KIAA1217: variants seen among roughly 807,000 people sequenced by gnomAD.
KIAA1217 encodes the protein sickle tail protein homolog.
In KIAA1217, 88 loss-of-function variants were observed where a neutral mutation model predicts 163.9. The observed-to-expected ratio is 0.54, with a 90% CI of 0.45 to 0.64. The LOEUF (loss-of-function observed/expected upper bound fraction) is 0.64, where lower values mean the gene tolerates loss of function less well. Among genes scored for constraint, KIAA1217 ranks in the 30% least tolerant of loss-of-function variants. The pLI, the probability that KIAA1217 is intolerant of heterozygous loss-of-function variation, is 0.00. For synonymous variants in KIAA1217, 903 were observed against 923.1 expected (o/e 0.98, Z 0.39); for missense variants, 2,372 against 2,475.0 (o/e 0.96, Z 0.88).
chr10:24,142,588 C>A lies in KIAA1217; in HGVS notation c.-170-77038C>A, dbSNP rs1263537173. On this transcript the variant is annotated intron_variant, in intron 2 of 18. Transcript: ENST00000376462. ...TCCATGTAACAAAACTGTACTTACA[C>A]CCCTTGAATCTATAAAAAAATAAAT... 3.9e-5 allele frequency among the ~76,000 whole-genome samples: 6 copies of A among 152,174 alleles called. No individual in the cohort carries two copies. The East Asian group carries it at 1.2e-3, about 29-fold the overall frequency.
chr10:23,881,845 A>T (rs982390541), intron 1 of KIAA1217, among the ~76,000 whole-genome samples: 2 of 151,832 alleles, frequency 1.3e-5, no homozygotes, highest in Admixed American at 1.3e-4. Context: ...CATCCCCCAT[A>T]CACCCTTAAG....
At chr10:23,858,222 G>T (rs1839791700) in intron 1 of KIAA1217, among the ~76,000 whole-genome samples, 1 of 152,038 alleles carries the variant, frequency 6.6e-6, no homozygotes, top group Admixed American at 6.6e-5. Context: ...TGAAAAATGA[G>T]CTGGATGGGG....
intron 4 of KIAA1217, among the ~76,000 whole-genome samples, chr10:24,436,515 T>C (rs564856833): frequency 6.6e-6 from 1 of 150,490 alleles, no homozygotes. Context: ...TCCCAGCACT[T>C]TGGGAGGCCA....
At chr10:23,818,503 G>T (rs922037645) in intron 1 of KIAA1217, among the ~76,000 whole-genome samples, 2 of 151,574 alleles carry the variant, frequency 1.3e-5, no homozygotes, top group Admixed American at 1.3e-4. Context: ...TTCCCTGTTG[G>T]TAGTAGCCCC....
Position 24,542,930 on chromosome 10 carries a change from A to T in KIAA1217, c.3660A>T (p.Arg1220Ser), listed in dbSNP as rs763962853. 1 of 1,613,322 alleles carries T rather than the reference A, an allele frequency of 6.2e-7. No homozygotes were observed. The highest frequency in any genetic ancestry group is 8.5e-7 in the Non-Finnish European group (1 of 1,179,684). The change falls in exon 19 of 21, where the codon AGA (arginine) becomes AGT (serine). Residue 1220 changes from arginine (R) to serine (S), a missense_variant. By Grantham distance (110) the Arg-to-Ser change is moderately radical. This residue lies in a region of KIAA1217 where 251 missense variants were observed against 327.3 expected (regional missense o/e 0.77). Transcript: ENST00000376454. ...CTAGTGACCCTCCTAAGTGGGAAAG[A>T]GGAATGGAGAATAGTATTTCTGATG... ...VRPSDPPKWERGMENSISDAS... is the reference protein window; with the variant it reads ...VRPSDPPKWESGMENSISDAS...
chr10:23,738,072 T>A (rs1588693289), intron 1 of KIAA1217, among the ~76,000 whole-genome samples: 1 of 152,274 alleles, frequency 6.6e-6, no homozygotes, highest in Middle Eastern at 3.4e-3. Context: ...CCTCCACGCA[T>A]AATACTCTGC....
chr10:24,092,572 T>C (rs1436154791), intron 2 of KIAA1217, among the ~76,000 whole-genome samples: 2 of 151,624 alleles, frequency 1.3e-5, no homozygotes, highest in African/African-American at 4.9e-5. Context: ...TACTCAACAA[T>C]GGAAAGGACT....
At chr10:23,772,116 A>T (rs1383995097) in intron 1 of KIAA1217, among the ~76,000 whole-genome samples, 1 of 152,230 alleles carries the variant, frequency 6.6e-6, no homozygotes, top group Non-Finnish European at 1.5e-5. Flanking sequence ...AAGAAAAGTA[A>T]AATATACCAA....
At chr10:23,773,966 A>T (rs967200469) in intron 1 of KIAA1217, among the ~76,000 whole-genome samples, 1 of 152,050 alleles carries the variant, frequency 6.6e-6, no homozygotes, top group Non-Finnish European at 1.5e-5. Context: ...TCTCCTGCCT[A>T]ATTGCCCTGG....
chr10:23,877,706 C>T (rs1840760124), intron 1 of KIAA1217, among the ~76,000 whole-genome samples: 1 of 151,924 alleles, frequency 6.6e-6, no homozygotes, highest in African/African-American at 2.4e-5. Flanking sequence ...AATAAATGTT[C>T]ACTCTCAAAA....
chr10:24,147,885 A>AAAAT (rs1398369714), intron 2 of KIAA1217, among the ~76,000 whole-genome samples: 2 of 151,356 alleles, frequency 1.3e-5, no homozygotes, highest in African/African-American at 2.4e-5. Flanking sequence ...AAAGAAAAGA[A>AAAAT]AAATGAACTT....
intron 5 of KIAA1217, among the ~76,000 whole-genome samples, chr10:24,446,225 G>T (rs921803805): frequency 6.6e-6 from 1 of 152,056 alleles, no homozygotes; most frequent in Non-Finnish European, 1.5e-5. Flanking sequence ...TGTTGATGGG[G>T]TTGTTTGTTT....
chr10:24,343,932 A>C (rs2047404264), intron 2 of KIAA1217, among the ~76,000 whole-genome samples: 1 of 152,190 alleles, frequency 6.6e-6, no homozygotes, highest in Non-Finnish European at 1.5e-5. Context: ...TCTATGTTTC[A>C]TTCCATTGAG....
intron 9 of KIAA1217, among the ~76,000 whole-genome samples, chr10:24,509,137 G>C (rs1224912180): frequency 6.6e-6 from 1 of 152,192 alleles, no homozygotes; most frequent in African/African-American, 2.4e-5. Flanking sequence ...CTTCCAAAAA[G>C]TAATTTACTT....
At chr10:24,500,933 T>TAAAC (rs895486815) in intron 8 of KIAA1217, among the ~76,000 whole-genome samples, 2 of 151,952 alleles carry the variant, frequency 1.3e-5, no homozygotes, top group Non-Finnish European at 2.9e-5. Context: ...TAAAAAATAG[T>TAAAC]AAACAAACAA....
chr10:24,219,766 G>C lies in KIAA1217; in HGVS notation c.211G>C (p.Gly71Arg), dbSNP rs1366555437. 6.2e-7 allele frequency: 1 copy of C among 1,613,820 alleles called. No homozygotes were observed. The highest frequency in any genetic ancestry group is 8.5e-7 in the Non-Finnish European group (1 of 1,179,924). The change falls in exon 2 of 21, where the codon GGG becomes CGG. Residue 71 changes from glycine to arginine, a missense_variant. By Grantham distance (125) the Gly-to-Arg change is moderately radical. This residue lies in a region of KIAA1217 where 1,431 missense variants were observed against 1,470.3 expected (regional missense o/e 0.97). Coordinates refer to ENST00000376454, the MANE Select transcript of KIAA1217 (RefSeq NM_019590.5). ...RNIPRRHTLG[G>R]PRSSKEILGM... ...TATCCCAAGGAGACACACCCTAGGGGGGCCCCGAAGTTCCAAGGAAATACT... is the reference window on the plus strand; with the variant it reads ...TATCCCAAGGAGACACACCCTAGGGCGGCCCCGAAGTTCCAAGGAAATACT...
chr10:24,503,212 C>T (rs1467318559), intron 9 of KIAA1217, among the ~76,000 whole-genome samples: 3 of 152,180 alleles, frequency 2.0e-5, no homozygotes, highest in African/African-American at 7.2e-5. Flanking sequence ...GTTTGAGAGA[C>T]CTGCCCCAAG....
At chr10:24,333,914 A>C (rs2046001542) in intron 2 of KIAA1217, among the ~76,000 whole-genome samples, 1 of 152,256 alleles carries the variant, frequency 6.6e-6, no homozygotes, top group South Asian at 2.1e-4. Context: ...CATGGATGTC[A>C]GCTGTTCTAT....
intron 2 of KIAA1217, among the ~76,000 whole-genome samples, chr10:24,247,376 C>T (rs922555710): frequency 5.9e-5 from 9 of 152,170 alleles, no homozygotes; most frequent in Non-Finnish European, 1.2e-4. Flanking sequence ...GCAATCCTCT[C>T]GCCTCTGCCT....
Sources: allele counts gnomAD v4.1 joint callset (sites outside exome capture counted in the v4.1 genomes callset), GRCh38; gene constraint gnomAD v4.1.1; regional missense constraint gnomAD v4.1.1; transcripts MANE v1.5; gene names NCBI Gene and HGNC (gene_info 2026-07-23, HGNC 2026-07-21).